Variants in CEP83 observed in about 807,000 individuals in gnomAD.
CEP83 encodes the protein centrosomal protein of 83 kDa.
CEP83 carries 70 observed loss-of-function variants against 101.9 expected under a neutral mutation model. The observed-to-expected ratio is 0.69, with a 90% CI of 0.57 to 0.84. The LOEUF (loss-of-function observed/expected upper bound fraction) is 0.84, where lower values mean the gene tolerates loss of function less well. CEP83 is among the 40% of genes least tolerant of loss of function. The pLI, the probability that CEP83 is intolerant of heterozygous loss-of-function variation, is 0.00. For synonymous variants in CEP83, 264 were observed against 267.9 expected, an observed-to-expected ratio of 0.99 and a Z score of 0.14; for missense variants, 715 against 787.2, an observed-to-expected ratio of 0.91 and a Z score of 1.10.
In CEP83 at chr12:94,308,219, T is replaced by C. The variant is rs1299698839; in HGVS notation, c.*594A>G. On this transcript the variant is annotated 3_prime_UTR_variant, in exon 17 of 17. Coordinates refer to ENST00000397809, the MANE Select transcript of CEP83 (RefSeq NM_016122.3). Reference sequence around the variant, plus strand: ...ATTCTCTATTCTAACAAAGCCAAAATCAGTAGACTGTCATATTGCTAAATA... The same window carrying C: ...ATTCTCTATTCTAACAAAGCCAAAACCAGTAGACTGTCATATTGCTAAATA... 1 of 152,138 alleles carries C rather than the reference T, an allele frequency of 6.6e-6. No homozygotes were observed. The highest frequency in any genetic ancestry group is 1.5e-5 in the Non-Finnish European group (1 of 68,024). The allele number at this position is 152,138 out of a possible 1,614,324, so 9.4% of individuals were successfully genotyped here.
chr12:94,437,626 C>G (rs917065217), intron 1 of CEP83, among the ~76,000 whole-genome samples: 1 of 152,118 alleles, frequency 6.6e-6, no homozygotes, highest in Non-Finnish European at 1.5e-5. Flanking sequence ...CCATATCTAG[C>G]AAAACTAAAT....
At chr12:94,364,989 G>A (rs1161230955) in intron 11 of CEP83, among the ~76,000 whole-genome samples, 1 of 152,022 alleles carries the variant, frequency 6.6e-6, no homozygotes, top group Non-Finnish European at 1.5e-5. Flanking sequence ...ATACCCAGAG[G>A]CAATAACAGA....
chr12:94,318,700 G>A (rs1488318596), intron 14 of CEP83, among the ~76,000 whole-genome samples: 1 of 152,068 alleles, frequency 6.6e-6, no homozygotes, highest in Non-Finnish European at 1.5e-5. Context: ...TCCTGTTTAT[G>A]TGATGAATCA....
At chr12:94,281,282 A>G in the CEP83 span, among the ~76,000 whole-genome samples, 8 of 152,300 alleles carry the variant, frequency 5.3e-5, no homozygotes, top group Middle Eastern at 3.4e-3. Context: ...CTGTCTCCAA[A>G]AAAAACAAAA....
At chr12:94,419,165 G>A (rs376034684) in intron 2 of CEP83, among the ~76,000 whole-genome samples, 3 of 151,804 alleles carry the variant, frequency 2.0e-5, no homozygotes, top group South Asian at 4.1e-4. Context: ...GGCAGATAGA[G>A]CAATATACAA....
chr12:94,343,319 G>C (rs114928560), intron 11 of CEP83, among the ~76,000 whole-genome samples: 2 of 151,840 alleles, frequency 1.3e-5, no homozygotes, highest in African/African-American at 2.4e-5. Flanking sequence ...TGAGACTGTC[G>C]CCTTAAATTT....
At chr12:94,369,876 C>G (rs1421862019) in intron 9 of CEP83, 46 bp downstream of exon 9, 1 of 975,414 alleles carries the variant, frequency 1.0e-6, no homozygotes, top group South Asian at 1.5e-5. Flanking sequence ...GAGTTCATAT[C>G]TGAAAATAAG....
At chr12:94,362,579 G>A (rs1450138430) in intron 11 of CEP83, among the ~76,000 whole-genome samples, 1 of 152,064 alleles carries the variant, frequency 6.6e-6, no homozygotes, top group Non-Finnish European at 1.5e-5. Flanking sequence ...AGAGGTTACA[G>A]TGAGCCGAGA....
chr12:94,439,124 C>T (rs1271698343), intron 1 of CEP83, among the ~76,000 whole-genome samples: 1 of 152,012 alleles, frequency 6.6e-6, no homozygotes, highest in Non-Finnish European at 1.5e-5. Context: ...ATTAGAGAAA[C>T]AAGAACAGAC....
intron 11 of CEP83, among the ~76,000 whole-genome samples, chr12:94,352,419 C>CAA (rs770031305): frequency 0.097 from 7,338 of 75,716 alleles, 271 homozygotes; most frequent in Non-Finnish European, 0.14. Context: ...GACTTTGTCT[C>CAA]AAAAAAAAAA....
the CEP83 span, among the ~76,000 whole-genome samples, chr12:94,301,320 T>G: frequency 1.3e-5 from 2 of 152,360 alleles, no homozygotes; most frequent in East Asian, 3.9e-4. Context: ...GTATGCGTTT[T>G]GTTTCCTAGA....
At chr12:94,350,717 T>C (rs1013582366) in intron 11 of CEP83, among the ~76,000 whole-genome samples, 1 of 152,060 alleles carries the variant, frequency 6.6e-6, no homozygotes, top group African/African-American at 2.4e-5. Context: ...GAGAAAATAT[T>C]TGCAAATCAT....
the CEP83 span, among the ~76,000 whole-genome samples, chr12:94,295,238 TAGA>T: frequency 6.6e-6 from 1 of 152,094 alleles, no homozygotes; most frequent in Non-Finnish European, 1.5e-5. Flanking sequence ...GATTCACTAT[TAGA>T]AGGAGCAGGG....
intron 1 of CEP83, among the ~76,000 whole-genome samples, chr12:94,449,141 T>C (rs974529719): frequency 6.6e-6 from 1 of 151,850 alleles, no homozygotes; most frequent in Non-Finnish European, 1.5e-5. Flanking sequence ...GATTTCTTAA[T>C]ACAAACTTCG....
At chr12:94,283,913 G>T in the CEP83 span, among the ~76,000 whole-genome samples, 2 of 152,002 alleles carry the variant, frequency 1.3e-5, no homozygotes, top group African/African-American at 4.8e-5. Context: ...GTAAAACGCT[G>T]TCTCTAAAAA....
chr12:94,433,345 G>A (rs1334763592), intron 2 of CEP83, among the ~76,000 whole-genome samples: 1 of 151,870 alleles, frequency 6.6e-6, no homozygotes, highest in African/African-American at 2.4e-5. Flanking sequence ...AATAATGAGG[G>A]CCTTAACTAA....
In CEP83 at chr12:94,362,909, T is replaced by C. The variant is rs180719631; in HGVS notation, c.1343+4885A>G. On this transcript the variant is annotated intron_variant, in intron 11 of 16. Coordinates refer to ENST00000397809, the MANE Select transcript of CEP83 (RefSeq NM_016122.3). ...CAACATGGACAAGTATGGAGGACAA[T>C]TGTTAATTAAATAAGTCAGGCACAC... Among the ~76,000 whole-genome samples, 1,333 of 151,786 alleles carry C rather than the reference T, an allele frequency of 8.8e-3. 22 individuals are homozygous for C. Among genetic ancestry groups the C allele is most frequent in the African/African-American group, 0.031 (1,280 of 41,030 alleles).
chr12:94,424,518 G>A, intron 2 of CEP83: 1 of 1,613,612 alleles, frequency 6.2e-7, no homozygotes, highest in South Asian at 1.1e-5. Flanking sequence ...ATCCCCTCCA[G>A]TTCCTGCTCA....
chr12:94,324,434 T>C (rs1217867532), intron 14 of CEP83, among the ~76,000 whole-genome samples: 1 of 152,238 alleles, frequency 6.6e-6, no homozygotes. Context: ...ATTCCTTTTG[T>C]TTTAATATCT....
Sources: gnomAD v4.1 joint callset for allele counts (sites outside exome capture counted in the v4.1 genomes callset) on GRCh38, gnomAD v4.1.1 for gene constraint, MANE v1.5 for transcripts, NCBI Gene and HGNC (gene_info 2026-07-23, HGNC 2026-07-21) for gene names.